OPRM1: variants seen among roughly 807,000 people sequenced by gnomAD.
OPRM1 encodes opioid receptor mu 1.
A neutral mutation model predicts 31.8 loss-of-function variants in OPRM1; 27 were observed. The ratio of observed to expected loss-of-function variants is 0.85; its 90% CI spans 0.63 to 1.17. The LOEUF (loss-of-function observed/expected upper bound fraction) is 1.17, where lower values mean the gene tolerates loss of function less well. Among genes scored for constraint, OPRM1 ranks in the 50% most tolerant of loss-of-function variants. The probability of loss-of-function intolerance (pLI) is 0.00; values close to 1 mark genes in which losing one functional copy is unlikely to be tolerated. For missense variants in OPRM1, 536 were observed against 511.1 expected (o/e 1.05, Z -0.47); for synonymous variants, 196 against 189.9 (o/e 1.03, Z -0.26).
At chr6:154,100,300 A>ATATTATGACATATATCATAATATATATT (rs1562473045) in intron 3 of OPRM1, among the ~76,000 whole-genome samples, 105 of 146,564 alleles carry the variant, frequency 7.2e-4, no homozygotes, top group East Asian at 9.9e-4. Context: ...AATATATATC[A>ATATTATGACATATATCATAATATATATT]AAAAGTCACA....
intron 3 of OPRM1, chr6:154,155,374 T>C (rs1269242938): frequency 6.6e-6 from 1 of 152,192 alleles, no homozygotes. Flanking sequence ...GAGAAATAAA[T>C]TGGAAAACCA....
chr6:154,179,154 C>T (rs1300240048), intron 3 of OPRM1, among the ~76,000 whole-genome samples: 1 of 152,070 alleles, frequency 6.6e-6, no homozygotes, highest in Non-Finnish European at 1.5e-5. Flanking sequence ...AGTAGGATCA[C>T]AGGACAAAAA....
chr6:154,100,269 TC>T (rs1177051684), intron 3 of OPRM1, among the ~76,000 whole-genome samples: 2 of 149,106 alleles, frequency 1.3e-5, no homozygotes, highest in African/African-American at 4.9e-5. Flanking sequence ...ATATATATTA[TC>T]ATATTATGAC....
chr6:154,192,477 T>C (rs1186644051), intron 3 of OPRM1, among the ~76,000 whole-genome samples: 1 of 152,030 alleles, frequency 6.6e-6, no homozygotes, highest in Non-Finnish European at 1.5e-5. Flanking sequence ...CATATAAATA[T>C]CGAGTCATGA....
At chr6:154,104,776 T>C (rs933723245) in intron 3 of OPRM1, among the ~76,000 whole-genome samples, 1 of 152,260 alleles carries the variant, frequency 6.6e-6, no homozygotes, top group African/African-American at 2.4e-5. Flanking sequence ...TCTTTTTAAA[T>C]TGGCTTTGAT....
At chr6:154,058,618 A>G (rs1355823984) in intron 1 of OPRM1, among the ~76,000 whole-genome samples, 1 of 152,216 alleles carries the variant, frequency 6.6e-6, no homozygotes, top group South Asian at 2.1e-4. Context: ...ACATGAACGT[A>G]GTAGAATATT....
intron 1 of OPRM1, among the ~76,000 whole-genome samples, chr6:154,031,580 C>CAAA (rs562279254): frequency 6.9e-5 from 10 of 144,640 alleles, no homozygotes; most frequent in African/African-American, 2.5e-4. Context: ...ACTAAAAATA[C>CAAA]AAAAAAAAAA....
chr6:154,092,497 G>T (rs1389338753), intron 3 of OPRM1, among the ~76,000 whole-genome samples: 1 of 152,174 alleles, frequency 6.6e-6, no homozygotes, highest in African/African-American at 2.4e-5. Context: ...CTTGGCTAAA[G>T]TTCCTAGAGT....
At chr6:154,243,041 A>G (rs1265258860) in intron 3 of OPRM1, among the ~76,000 whole-genome samples, 1 of 152,138 alleles carries the variant, frequency 6.6e-6, no homozygotes, top group Non-Finnish European at 1.5e-5. Context: ...TGGATAGGAG[A>G]AAGACTTCAG....
intron 3 of OPRM1, among the ~76,000 whole-genome samples, chr6:154,141,570 C>A (rs7763748): frequency 6.6e-6 from 1 of 152,086 alleles, no homozygotes; most frequent in Non-Finnish European, 1.5e-5. Flanking sequence ...GAGGTCCTGA[C>A]GACATGTGCC....
At chr6:154,067,580 G>A (rs1386123847) in intron 1 of OPRM1, among the ~76,000 whole-genome samples, 1 of 151,732 alleles carries the variant, frequency 6.6e-6, no homozygotes, top group African/African-American at 2.4e-5. Flanking sequence ...CTAACATATA[G>A]TCTGTCCTTG....
chr6:154,164,434 C>G (rs1292566337), intron 3 of OPRM1, among the ~76,000 whole-genome samples: 2 of 152,156 alleles, frequency 1.3e-5, no homozygotes, highest in African/African-American at 2.4e-5. Context: ...AACAACAGAA[C>G]CTTCCAAGCT....
chr6:154,073,251 G>A (rs1248436677), intron 1 of OPRM1, among the ~76,000 whole-genome samples: 2 of 152,128 alleles, frequency 1.3e-5, no homozygotes, highest in African/African-American at 4.8e-5. Flanking sequence ...CTTCCACAGT[G>A]GTAGCAGGCA....
rs57493678 is a variant in OPRM1 at position 154,130,170 on chromosome 6, CTTTTT to C, written c.*11463_*11467del. 1.4e-5 allele frequency among the ~76,000 whole-genome samples: 1 copy of C among 71,782 alleles called. No individual in the cohort carries two copies. Among genetic ancestry groups the C allele is most frequent in the Non-Finnish European group, 2.9e-5 (1 of 34,910 alleles). 47.1% of individuals were successfully genotyped at this position (71,782 alleles called of 152,430 possible). On this transcript the variant is annotated 3_prime_UTR_variant, in exon 4 of 4. Transcript: ENST00000330432. Reference sequence around the variant, plus strand: ...GATTTCATGGAAATGTTTAAATTTTCTTTTTTTTTTTTTTTTTTGATGGAGTCTCA... The same window carrying C: ...GATTTCATGGAAATGTTTAAATTTTCTTTTTTTTTTTTTGATGGAGTCTCA...
At chr6:154,063,729 C>T (rs1784829029) in intron 1 of OPRM1, among the ~76,000 whole-genome samples, 1 of 151,984 alleles carries the variant, frequency 6.6e-6, no homozygotes, top group Admixed American at 6.5e-5. Context: ...ATCTAGTTAA[C>T]TAATATAAGA....
intron 3 of OPRM1, among the ~76,000 whole-genome samples, chr6:154,097,808 T>C (rs1375563775): frequency 1.3e-5 from 2 of 152,222 alleles, no homozygotes; most frequent in Non-Finnish European, 2.9e-5. Context: ...TAATAACATA[T>C]ATTGACCATT....
intron 3 of OPRM1, among the ~76,000 whole-genome samples, chr6:154,205,633 T>C (rs1263162237): frequency 6.6e-6 from 1 of 152,100 alleles, no homozygotes; most frequent in African/African-American, 2.4e-5. Flanking sequence ...ACACATTAAT[T>C]TATTATGTAT....
chr6:154,087,391 G>A, intron 1 of OPRM1: 1 of 985,456 alleles, frequency 1.0e-6, no homozygotes, highest in African/African-American at 1.7e-5. Context: ...AACCTCGTGT[G>A]ACGGAAAAAC....
chr6:154,091,570 G>C, intron 3 of OPRM1, 98 bp downstream of exon 3: 1 of 1,463,958 alleles, frequency 6.8e-7, no homozygotes, highest in Non-Finnish European at 9.0e-7. Context: ...TAGAGGATGA[G>C]AATGGAGGGA....
Sources: gnomAD v4.1 joint callset for allele counts (sites outside exome capture counted in the v4.1 genomes callset) on GRCh38, gnomAD v4.1.1 for gene constraint, MANE v1.5 for transcripts, NCBI Gene and HGNC (gene_info 2026-07-23, HGNC 2026-07-21) for gene names.